Variants in KCNIP4 observed in about 807,000 individuals in gnomAD.
KCNIP4 encodes the protein potassium voltage-gated channel interacting protein 4.
In KCNIP4, 12 loss-of-function variants were observed where a neutral mutation model predicts 34.0. That is an observed-to-expected ratio of 0.35 (90% confidence interval 0.23 to 0.57). The LOEUF (loss-of-function observed/expected upper bound fraction) is 0.57, where lower values mean the gene tolerates loss of function less well. Ranked by LOEUF, KCNIP4 falls within the 20% of genes least tolerant of loss-of-function variation. KCNIP4 has a pLI of 0.83. For synonymous variants in KCNIP4, 124 were observed against 102.2 expected, an observed-to-expected ratio of 1.21 and a Z score of -1.29; for missense variants, 238 against 311.7, an observed-to-expected ratio of 0.76 and a Z score of 1.78.
chr4:21,704,587 G>A (rs995997873), intron 1 of KCNIP4, among the ~76,000 whole-genome samples: 5 of 152,036 alleles, frequency 3.3e-5, no homozygotes, highest in African/African-American at 9.7e-5. Flanking sequence ...TAAAACAGAT[G>A]GCAAGTAAGC....
chr4:21,897,181 A>G (rs558203750), intron 1 of KCNIP4, among the ~76,000 whole-genome samples: 2 of 152,144 alleles, frequency 1.3e-5, no homozygotes, highest in Non-Finnish European at 2.9e-5. Context: ...ATTTTTTAAA[A>G]GATATTTATA....
At chr4:20,879,735 C>A (rs1408849632) in intron 2 of KCNIP4, among the ~76,000 whole-genome samples, 3 of 152,204 alleles carry the variant, frequency 2.0e-5, no homozygotes, top group African/African-American at 4.8e-5. Context: ...TAAATAACAA[C>A]AGAACTCAAG....
At chr4:21,917,174 G>A (rs896654806) in intron 1 of KCNIP4, among the ~76,000 whole-genome samples, 5 of 151,884 alleles carry the variant, frequency 3.3e-5, no homozygotes, top group East Asian at 3.9e-4. Context: ...TCGCACTGTC[G>A]CCCAGGCTGG....
chr4:21,617,535 A>C (rs935096156), intron 1 of KCNIP4, among the ~76,000 whole-genome samples: 7 of 152,184 alleles, frequency 4.6e-5, no homozygotes, highest in Non-Finnish European at 7.4e-5. Flanking sequence ...TTTAAGTAAT[A>C]AATCATAAAT....
intron 1 of KCNIP4, among the ~76,000 whole-genome samples, chr4:21,785,312 TG>T (rs1719831664): frequency 6.7e-6 from 1 of 150,292 alleles, no homozygotes; most frequent in South Asian, 2.1e-4. Flanking sequence ...AAAACTTGGC[TG>T]GCCACAGTGG....
At chr4:20,909,800 C>CT (rs1728157260) in intron 1 of KCNIP4, among the ~76,000 whole-genome samples, 1 of 152,058 alleles carries the variant, frequency 6.6e-6, no homozygotes, top group Non-Finnish European at 1.5e-5. Context: ...AAGGCTTATG[C>CT]TTTTGTGATG....
chr4:21,123,131 G>A lies in KCNIP4; in HGVS notation c.62-240422C>T, dbSNP rs376509278. Among the ~76,000 whole-genome samples, 21 of 152,126 alleles carry A rather than the reference G, an allele frequency of 1.4e-4. No individual in the cohort carries two copies. In the East Asian group the frequency reaches 3.3e-3, roughly 24 times the overall value. On this transcript the variant is annotated intron_variant, in intron 1 of 8. Coordinates refer to ENST00000382152, the MANE Select transcript of KCNIP4 (RefSeq NM_025221.6). ...TGGGAGGCTGAGGCAGGAGAATGGC[G>A]TGAACCTGGAAGGCGGAGTTTGCAG...
chr4:21,422,504 T>TA (rs1333507569), intron 1 of KCNIP4, among the ~76,000 whole-genome samples: 3 of 152,042 alleles, frequency 2.0e-5, no homozygotes, highest in Non-Finnish European at 4.4e-5. Context: ...CTGGCCCACT[T>TA]ACCTTTTTAA....
At chr4:21,258,525 T>G (rs1046239598) in intron 1 of KCNIP4, among the ~76,000 whole-genome samples, 1 of 152,158 alleles carries the variant, frequency 6.6e-6, no homozygotes, top group Non-Finnish European at 1.5e-5. Flanking sequence ...TAACCTAAAG[T>G]TATGAATAAT....
At chr4:21,074,485 C>T (rs1336651220) in intron 1 of KCNIP4, among the ~76,000 whole-genome samples, 7 of 151,958 alleles carry the variant, frequency 4.6e-5, no homozygotes, top group Admixed American at 3.3e-4. Flanking sequence ...GTGGTGATAT[C>T]CCCTTTATCA....
chr4:21,346,294 T>C (rs866840596), intron 1 of KCNIP4, among the ~76,000 whole-genome samples: 6 of 117,228 alleles, frequency 5.1e-5, no homozygotes, highest in Middle Eastern at 4.0e-3. Flanking sequence ...TTCACATTTG[T>C]ATATATGTAT....
chr4:21,682,945 A>G (rs911504692), intron 1 of KCNIP4, among the ~76,000 whole-genome samples: 2 of 152,248 alleles, frequency 1.3e-5, no homozygotes, highest in Non-Finnish European at 2.9e-5. Flanking sequence ...AAATATTGCA[A>G]CGATCATAAT....
intron 1 of KCNIP4, among the ~76,000 whole-genome samples, chr4:21,733,064 C>T (rs897821286): frequency 1.3e-5 from 2 of 152,100 alleles, no homozygotes; most frequent in East Asian, 1.9e-4. Context: ...TAGAAAAGTA[C>T]GAATCTCAAC....
At chr4:21,248,840 A>G (rs1303962919) in intron 1 of KCNIP4, among the ~76,000 whole-genome samples, 1 of 152,118 alleles carries the variant, frequency 6.6e-6, no homozygotes, top group African/African-American at 2.4e-5. Flanking sequence ...CACAGAGGTT[A>G]GTTAAACAAC....
chr4:20,892,407 C>G (rs996791625), intron 1 of KCNIP4, among the ~76,000 whole-genome samples: 10 of 152,132 alleles, frequency 6.6e-5, no homozygotes, highest in Admixed American at 2.0e-4. Context: ...CTGTCTCACT[C>G]TTTCTTAGTC....
chr4:20,852,473 C>A (rs149099132), intron 2 of KCNIP4, among the ~76,000 whole-genome samples: 19 of 152,224 alleles, frequency 1.2e-4, no homozygotes, highest in African/African-American at 4.3e-4. Context: ...AAGGCACATA[C>A]CTTAATGTAA....
chr4:21,017,536 G>A (rs535158937), intron 1 of KCNIP4, among the ~76,000 whole-genome samples: 4 of 152,142 alleles, frequency 2.6e-5, no homozygotes, highest in South Asian at 4.1e-4. Context: ...CCTTTTTATG[G>A]CAGCATAGTA....
chr4:20,956,291 T>C (rs543221263), intron 1 of KCNIP4, among the ~76,000 whole-genome samples: 30 of 152,126 alleles, frequency 2.0e-4, no homozygotes, highest in Non-Finnish European at 3.4e-4. Context: ...GATCACGAGG[T>C]CAGGAGATTG....
chr4:21,769,224 T>C (rs1459348005), intron 1 of KCNIP4, among the ~76,000 whole-genome samples: 2 of 152,140 alleles, frequency 1.3e-5, no homozygotes, highest in Admixed American at 1.3e-4. Flanking sequence ...TGGATACTTT[T>C]ATCATTTATA....
Sources: allele counts gnomAD v4.1 joint callset (sites outside exome capture counted in the v4.1 genomes callset), GRCh38; gene constraint gnomAD v4.1.1; transcripts MANE v1.5; gene names NCBI Gene and HGNC (gene_info 2026-07-23, HGNC 2026-07-21).